Variants in WDR83OS observed in about 807,000 individuals in gnomAD.
WDR83OS encodes the protein PAT complex subunit Asterix.
A neutral mutation model predicts 13.7 loss-of-function variants in WDR83OS; 15 were observed. The observed-to-expected ratio is 1.09, with a 90% confidence interval of 0.73 to 1.69. WDR83OS has a LOEUF of 1.69. Ranked by LOEUF, WDR83OS falls within the 40% of genes most tolerant of loss-of-function variation. The pLI is 0.00. For missense variants in WDR83OS, 145 were observed against 143.2 expected, an observed-to-expected ratio of 1.01 and a Z score of -0.06; for synonymous variants, 68 against 52.9, an observed-to-expected ratio of 1.29 and a Z score of -1.24.
chr19:12,668,475 C>T, intron 3 of WDR83OS, 45 bp downstream of exon 3: 1 of 1,613,294 alleles, frequency 6.2e-7, no homozygotes, highest in Non-Finnish European at 8.5e-7. Context: ...TGGGGTCCCC[C>T]CACCCCTTAC....
At position 12,669,191 on chromosome 19, in the gene WDR83OS, G is replaced by A. The variant is rs1599365248; in HGVS notation, c.93C>T (p.Asp31=). ...PPSECNPALD[D]PTPDYMNLLG... is the part of the protein sequence containing the mutation. ...GCAGGTTCATGTAGTCCGGCGTCGG[G>A]TCGTCCAAGGCCGGGTTACATTCGC... The change falls in exon 2 of 4, where the codon GAC becomes GAT. Residue 31 remains aspartate (D), a synonymous_variant. Transcript: ENST00000596731. The A allele has an allele frequency of 6.2e-7, 1 of 1,614,054 alleles. No individual in the cohort carries two copies.
In WDR83OS at chr19:12,668,991, G is replaced by C. The variant is rs2024332190; in HGVS notation, c.156+137C>G. On this transcript the variant is annotated intron_variant, in intron 2 of 3. Transcript: ENST00000596731. ...AAGACTGGGGCTTTCTCGGCCCAGC[G>C]TCATCGCAGCCCCACTCCCGGCCGA... is the stretch of plus-strand genomic sequence containing the variant. 2.1e-5 allele frequency: 18 copies of C among 871,232 alleles called. No homozygotes were observed. In the East Asian group the frequency reaches 4.7e-4, roughly 23 times the overall value. 54.0% of individuals were successfully genotyped at this position (871,232 alleles called of 1,614,324 possible).
rs762195782 is a variant in WDR83OS, at chr19:12,669,175, T to G, written c.109A>C (p.Met37Leu). 6.2e-7 allele frequency: 1 copy of G among 1,614,166 alleles called. No individual in the cohort carries two copies. The highest frequency in any genetic ancestry group is 1.1e-5 in the South Asian group (1 of 91,088). The change falls in exon 2 of 4, where the codon ATG becomes CTG. Residue 37 changes from methionine to leucine, a missense_variant. Met to Leu is a conservative substitution (Grantham distance 15). Coordinates refer to ENST00000596731, the MANE Select transcript of WDR83OS (RefSeq NM_016145.4). Reference sequence around the variant, plus strand: ...CTGAAGATCATGCCCAGCAGGTTCATGTAGTCCGGCGTCGGGTCGTCCAAG... The same window carrying G: ...CTGAAGATCATGCCCAGCAGGTTCAGGTAGTCCGGCGTCGGGTCGTCCAAG... ...PALDDPTPDY[M>L]NLLGMIFSMC...
At chr19:12,669,287 G>A (rs972462495) in intron 1 of WDR83OS, 54 bp from the exon 2 acceptor site, 11 of 1,607,898 alleles carry the variant, frequency 6.8e-6, no homozygotes, top group Admixed American at 3.4e-5. Flanking sequence ...GGGATAGACA[G>A]GCGCTTCCCA....
rs1209611434 is a variant in WDR83OS, at chr19:12,669,233, C to A, written c.51G>T (p.Arg17Ser). ...SDPRRPNKVL[R>S]YKPPPSECNP... ...TACATTCGCTCGGCGGGGGCTTGTA[C>A]CTGCGACAGGCTCGAGGGTCAGGGG... The change falls in exon 2 of 4, where the codon AGG (arginine) becomes AGT (serine). Residue 17 changes from arginine to serine, a missense_variant and splice_region_variant. Physicochemically the swap from Arg to Ser is moderately radical, Grantham distance 110. Transcript: ENST00000596731. 1.2e-6 allele frequency: 2 copies of A among 1,613,850 alleles called. No homozygotes were observed. The highest frequency in any genetic ancestry group is 1.7e-6 in the Non-Finnish European group (2 of 1,179,984).
Position 12,669,147 on chromosome 19 carries a change from A to G in WDR83OS, c.137T>C (p.Met46Thr). The change falls in exon 2 of 4, where the codon ATG becomes ACG. Residue 46 changes from methionine (M) to threonine (T), a missense_variant. By Grantham distance (81) the Met-to-Thr change is moderately conservative (BLOSUM62 -1). Transcript: ENST00000596731. ...GCCCACCTTAAGCATGAGGCCGCAC[A>G]TGCTGAAGATCATGCCCAGCAGGTT... Reference protein sequence around the residue: ...YMNLLGMIFSMCGLMLKLKWC... With the variant: ...YMNLLGMIFSTCGLMLKLKWC... The G allele has an allele frequency of 1.2e-6, 2 of 1,614,108 alleles. No homozygotes were observed. The highest frequency in any genetic ancestry group is 1.7e-6 in the Non-Finnish European group (2 of 1,179,986).
chr19:12,669,070 C>T, intron 2 of WDR83OS, 58 bp downstream of exon 2: 2 of 1,575,824 alleles, frequency 1.3e-6, no homozygotes, highest in Non-Finnish European at 1.7e-6. Flanking sequence ...ATTCCAAACC[C>T]GCCCCCGGGC....
rs1345007865 is a variant in WDR83OS, at chr19:12,668,440, AG to A, written c.255-16del. On this transcript the variant is annotated splice_polypyrimidine_tract_variant and intron_variant, in intron 3 of 3. Coordinates refer to ENST00000596731, the MANE Select transcript of WDR83OS (RefSeq NM_016145.4). ...AGATGGACAGCCTGAGACAGGAGAG[AG>A]GTGTCAGTCTAGGATGGCCAGGCTG... 1 of 1,613,290 alleles carries A rather than the reference AG, an allele frequency of 6.2e-7. No individual in the cohort carries two copies. The highest frequency in any genetic ancestry group is 8.5e-7 in the Non-Finnish European group (1 of 1,179,710).
chr19:12,668,242 C>A lies in WDR83OS; in HGVS notation c.*117G>T. 1 of 1,097,462 alleles carries A rather than the reference C, an allele frequency of 9.1e-7. No homozygotes were observed. The highest frequency in any genetic ancestry group is 1.3e-6 in the Non-Finnish European group (1 of 758,122). 68.0% of individuals were successfully genotyped at this position (1,097,462 alleles called of 1,614,324 possible). On this transcript the variant is annotated 3_prime_UTR_variant, in exon 4 of 4. Transcript: ENST00000596731. ...GGTTCCCTCTATCCAGCTGGGGGCACCGAGACGGCCTCATTCAGGGAAGTC... is the reference window on the plus strand; with the variant it reads ...GGTTCCCTCTATCCAGCTGGGGGCAACGAGACGGCCTCATTCAGGGAAGTC...
At chr19:12,668,702 C>T (rs1028608433) in intron 2 of WDR83OS, 85 bp from the exon 3 acceptor site, 43 of 1,117,936 alleles carry the variant, frequency 3.8e-5, no homozygotes, top group Non-Finnish European at 5.2e-5. Context: ...CCAGATCATG[C>T]CCACTGATTC....
At chr19:12,668,718 G>T in intron 2 of WDR83OS, 101 bp from the exon 3 acceptor site, 2 of 1,001,084 alleles carry the variant, frequency 2.0e-6, no homozygotes, top group Admixed American at 2.0e-5. Flanking sequence ...GATTCCATCT[G>T]ATGCAGCTGG....
At position 12,668,392 on chromosome 19, in the gene WDR83OS, C is replaced by T. The variant is rs1432400592; in HGVS notation, c.288G>A (p.Leu96=). Residue 96 remains leucine, a synonymous_variant, in exon 4 of 4, where the codon CTG becomes CTA. Transcript: ENST00000596731. The part of the protein sequence containing the change: ...LSISAVVMSY[L]QNPQPMTPPW ...GGGGCGTCATGGGCTGAGGATTCTG[C>T]AGATAGGACATCACCACGGCAGAGA... 3.1e-6 allele frequency: 5 copies of T among 1,613,562 alleles called. No homozygotes were observed. Among genetic ancestry groups the T allele is most frequent in the South Asian group, 1.1e-5 (1 of 90,896 alleles).
intron 2 of WDR83OS, 117 bp downstream of exon 2, chr19:12,669,011 G>A (rs1158665011): frequency 1.9e-6 from 2 of 1,069,792 alleles, no homozygotes; most frequent in African/African-American, 1.6e-5. Context: ...CCCCACTCCC[G>A]GCCGATCTCA....
Position 12,669,246 on chromosome 19 carries a change from C to T in WDR83OS, c.51-13G>A. Reference sequence around the variant, plus strand: ...CGGGGGCTTGTACCTGCGACAGGCTCGAGGGTCAGGGGCGCTCAGGTCCTG... The same window carrying T: ...CGGGGGCTTGTACCTGCGACAGGCTTGAGGGTCAGGGGCGCTCAGGTCCTG... On this transcript the variant is annotated splice_polypyrimidine_tract_variant and intron_variant, in intron 1 of 3. Coordinates refer to ENST00000596731, the MANE Select transcript of WDR83OS (RefSeq NM_016145.4). 1 of 1,613,608 alleles carries T rather than the reference C, an allele frequency of 6.2e-7. No homozygotes were observed. The highest frequency in any genetic ancestry group is 8.5e-7 in the Non-Finnish European group (1 of 1,179,832).
chr19:12,668,243 CG>C lies in WDR83OS; in HGVS notation c.*115del, dbSNP rs1408218040. The C allele has an allele frequency of 1.8e-6, 2 of 1,107,258 alleles. No individual in the cohort carries two copies. Among genetic ancestry groups the C allele is most frequent in the Non-Finnish European group, 2.6e-6 (2 of 766,922 alleles). 68.6% of individuals were successfully genotyped at this position (1,107,258 alleles called of 1,614,324 possible). On this transcript the variant is annotated 3_prime_UTR_variant, in exon 4 of 4. Coordinates refer to ENST00000596731, the MANE Select transcript of WDR83OS (RefSeq NM_016145.4). ...GTTCCCTCTATCCAGCTGGGGGCAC[CG>C]AGACGGCCTCATTCAGGGAAGTCCA...
intron 1 of WDR83OS, 56 bp from the exon 2 acceptor site, chr19:12,669,289 C>A (rs917035383): frequency 3.7e-6 from 6 of 1,606,964 alleles, no homozygotes; most frequent in Non-Finnish European, 5.1e-6. Flanking sequence ...GATAGACAGG[C>A]GCTTCCCAGG....
At chr19:12,669,311 C>T (rs2024340940) in intron 1 of WDR83OS, 43 bp downstream of exon 1, 2 of 1,606,130 alleles carry the variant, frequency 1.2e-6, no homozygotes, top group East Asian at 2.3e-5. Flanking sequence ...CCCCGATCCA[C>T]ACCCACAACC....
intron 1 of WDR83OS, 26 bp from the exon 2 acceptor site, chr19:12,669,259 C>G (rs1195513565): frequency 6.2e-7 from 1 of 1,612,496 alleles, no homozygotes; most frequent in Non-Finnish European, 8.5e-7. Flanking sequence ...GGGTCAGGGG[C>G]GCTCAGGTCC....
chr19:12,668,648 G>A, intron 2 of WDR83OS, 31 bp from the exon 3 acceptor site: 3 of 1,591,364 alleles, frequency 1.9e-6, no homozygotes, highest in Non-Finnish European at 2.6e-6. Flanking sequence ...GGGCAGGTTA[G>A]TGAAAGGCAC....
Sources: allele counts gnomAD v4.1 joint callset, GRCh38; gene constraint gnomAD v4.1.1; transcripts MANE v1.5; gene names NCBI Gene and HGNC (gene_info 2026-07-23, HGNC 2026-07-21).